CAMKMT: variants seen among roughly 807,000 people sequenced by gnomAD.
The protein encoded by CAMKMT is CaM KMT.
A neutral mutation model predicts 48.0 loss-of-function variants in CAMKMT; 53 were observed. The observed-to-expected ratio is 1.10, with a 90% CI of 0.89 to 1.39. The LOEUF is 1.39. CAMKMT is among the 40% of genes most tolerant of loss of function. CAMKMT has a pLI of 0.00. For missense variants in CAMKMT, 428 were observed against 402.7 expected (o/e 1.06, Z -0.54); for synonymous variants, 165 against 152.3 (o/e 1.08, Z -0.61).
chr2:44,362,899 A>G (rs1454808315), intron 1 of CAMKMT, among the ~76,000 whole-genome samples: 1 of 152,212 alleles, frequency 6.6e-6, no homozygotes, highest in Non-Finnish European at 1.5e-5. Context: ...CACTTCTTGA[A>G]GTGAAGTCTG....
intron 7 of CAMKMT, among the ~76,000 whole-genome samples, chr2:44,718,655 A>G (rs1196188962): frequency 6.6e-6 from 1 of 152,182 alleles, no homozygotes; most frequent in Non-Finnish European, 1.5e-5. Context: ...ACGTATTTCT[A>G]GGTCTTCCAG....
At chr2:44,655,763 C>T (rs1258419460) in intron 3 of CAMKMT, among the ~76,000 whole-genome samples, 2 of 152,176 alleles carry the variant, frequency 1.3e-5, no homozygotes, top group Non-Finnish European at 2.9e-5. Context: ...TGAGGCCATG[C>T]TTACCGAGCT....
intron 3 of CAMKMT, among the ~76,000 whole-genome samples, chr2:44,493,242 A>G (rs147305380): frequency 2.8e-4 from 42 of 152,190 alleles, no homozygotes; most frequent in Admixed American, 1.0e-3. Context: ...AAAAACATGA[A>G]TTTACTTTGA....
At chr2:44,767,540 T>C (rs1169721822) in intron 10 of CAMKMT, among the ~76,000 whole-genome samples, 1 of 152,204 alleles carries the variant, frequency 6.6e-6, no homozygotes, top group Non-Finnish European at 1.5e-5. Context: ...TGAAAATGAA[T>C]TTATTTATTT....
intron 1 of CAMKMT, among the ~76,000 whole-genome samples, chr2:44,362,413 T>C (rs1677987931): frequency 6.6e-6 from 1 of 152,144 alleles, no homozygotes; most frequent in African/African-American, 2.4e-5. Context: ...CTAGACATTT[T>C]TGTGCGTCTG....
At chr2:44,562,931 T>G (rs1668402659) in intron 3 of CAMKMT, among the ~76,000 whole-genome samples, 1 of 152,206 alleles carries the variant, frequency 6.6e-6, no homozygotes, top group Non-Finnish European at 1.5e-5. Flanking sequence ...CTCTCAGTAC[T>G]GGTGGTATTT....
intron 3 of CAMKMT, among the ~76,000 whole-genome samples, chr2:44,668,021 C>T (rs1675101489): frequency 6.6e-6 from 1 of 152,236 alleles, no homozygotes; most frequent in South Asian, 2.1e-4. Context: ...GAGCAGCTGA[C>T]TGTGGCAATC....
chr2:44,719,966 A>G (rs933731171), intron 7 of CAMKMT, among the ~76,000 whole-genome samples: 1 of 152,194 alleles, frequency 6.6e-6, no homozygotes, highest in African/African-American at 2.4e-5. Context: ...AATTCTAGAG[A>G]TGCCACACTC....
chr2:44,552,463 T>TACAGTCAATA (rs1473592022), intron 3 of CAMKMT, among the ~76,000 whole-genome samples: 1 of 152,172 alleles, frequency 6.6e-6, no homozygotes, highest in Non-Finnish European at 1.5e-5. Flanking sequence ...TGGTGATCTT[T>TACAGTCAATA]ACAGTCAATA....
chr2:44,539,985 T>C (rs1281334575), intron 3 of CAMKMT, among the ~76,000 whole-genome samples: 1 of 152,160 alleles, frequency 6.6e-6, no homozygotes, highest in Non-Finnish European at 1.5e-5. Context: ...ACTTTGAAAC[T>C]ATTGAAACAT....
chr2:44,434,078 G>C (rs1067361), intron 3 of CAMKMT, among the ~76,000 whole-genome samples: 113,322 of 152,138 alleles, frequency 0.74, 43,242 homozygotes, highest in African/African-American at 0.87. Flanking sequence ...CCTCCTTTGT[G>C]TCCACACGTA....
At chr2:44,640,850 C>G (rs912679868) in intron 3 of CAMKMT, among the ~76,000 whole-genome samples, 1 of 152,216 alleles carries the variant, frequency 6.6e-6, no homozygotes, top group South Asian at 2.1e-4. Flanking sequence ...AATCCACCAG[C>G]CATGAATTTT....
intron 3 of CAMKMT, among the ~76,000 whole-genome samples, chr2:44,392,583 A>AT (rs1681453527): frequency 6.6e-6 from 1 of 152,056 alleles, no homozygotes; most frequent in African/African-American, 2.4e-5. Flanking sequence ...TCATAGCCCA[A>AT]TATAATTAGG....
intron 3 of CAMKMT, among the ~76,000 whole-genome samples, chr2:44,475,465 G>T (rs917839937): frequency 6.6e-6 from 1 of 151,830 alleles, no homozygotes; most frequent in Non-Finnish European, 1.5e-5. Context: ...TTACAGGTGC[G>T]TGCCACCACA....
intron 3 of CAMKMT, among the ~76,000 whole-genome samples, chr2:44,688,503 T>C (rs1267812220): frequency 6.7e-6 from 1 of 148,652 alleles, no homozygotes; most frequent in Non-Finnish European, 1.5e-5. Flanking sequence ...CATACATATA[T>C]ATACATATAT....
At chr2:44,678,211 A>G (rs1462737430) in intron 3 of CAMKMT, among the ~76,000 whole-genome samples, 1 of 152,234 alleles carries the variant, frequency 6.6e-6, no homozygotes, top group Non-Finnish European at 1.5e-5. Context: ...AATGCGTGAA[A>G]AAAGTAGACT....
chr2:44,492,889 C>CT (rs11400501), intron 3 of CAMKMT, among the ~76,000 whole-genome samples: 92,187 of 142,790 alleles, frequency 0.65, 29,948 homozygotes, highest in South Asian at 0.75. Flanking sequence ...CATATTGTAT[C>CT]TTTTTTTTTT....
intron 2 of CAMKMT, among the ~76,000 whole-genome samples, chr2:44,378,434 A>G (rs1230894856): frequency 6.6e-6 from 1 of 152,140 alleles, no homozygotes; most frequent in African/African-American, 2.4e-5. Flanking sequence ...ATTTTTAAGC[A>G]CTTATTTTTG....
intron 3 of CAMKMT, among the ~76,000 whole-genome samples, chr2:44,448,133 G>C (rs768594617): frequency 3.9e-5 from 6 of 152,044 alleles, no homozygotes; most frequent in Non-Finnish European, 8.8e-5. Flanking sequence ...GAACTAACCA[G>C]TTCTATACCA....
Sources: allele counts gnomAD v4.1 joint callset (sites outside exome capture counted in the v4.1 genomes callset), GRCh38; gene constraint gnomAD v4.1.1; transcripts MANE v1.5; gene names NCBI Gene and HGNC (gene_info 2026-07-23, HGNC 2026-07-21).